The following HAPSTR1 variants were observed in gnomAD, a reference collection of about 807,000 sequenced individuals.
HAPSTR1 encodes the protein HUWE1 associated protein modifying stress responses.
At chr16:9,113,979 GTAT>G in the HAPSTR1 span, among the ~76,000 whole-genome samples, 6 of 152,166 alleles carry the variant, frequency 3.9e-5, no homozygotes, top group Non-Finnish European at 8.8e-5. Context: ...GGACTTTGAA[GTAT>G]TATTCTTTTT....
the HAPSTR1 span, among the ~76,000 whole-genome samples, chr16:9,100,852 C>T: frequency 6.6e-6 from 1 of 152,158 alleles, no homozygotes; most frequent in Non-Finnish European, 1.5e-5. Flanking sequence ...TTTGCACTCT[C>T]CAAGCCTGCT....
chr16:9,112,966 G>A, the HAPSTR1 span: 2 of 145,432 alleles, frequency 1.4e-5, no homozygotes, highest in Non-Finnish European at 3.0e-5. Context: ...GTATGTTTTT[G>A]TAGAAATTAA....
chr16:9,092,891 G>GGTTTTTTTTTTTTTTTT, the HAPSTR1 span: 3 of 1,499,734 alleles, frequency 2.0e-6, no homozygotes, highest in South Asian at 1.2e-5. Context: ...TTTTCTTTTT[G>GGTTTTTTTTTTTTTTTT]GTTTTTTTTT....
the HAPSTR1 span, among the ~76,000 whole-genome samples, chr16:9,095,793 A>T: frequency 6.2e-4 from 95 of 152,352 alleles, no homozygotes; most frequent in Middle Eastern, 3.4e-3. Context: ...ACAGAATTCA[A>T]TAAAATGGAG....
the HAPSTR1 span, chr16:9,120,127 G>A: frequency 6.6e-6 from 1 of 152,210 alleles, no homozygotes; most frequent in Non-Finnish European, 1.5e-5. Flanking sequence ...TCATTCATTA[G>A]ATTGGTGACT....
the HAPSTR1 span, chr16:9,103,432 G>A: frequency 4.0e-5 from 26 of 653,746 alleles, no homozygotes; most frequent in African/African-American, 4.4e-4. Flanking sequence ...GGCGATTTCT[G>A]TCAGCTAACC....
the HAPSTR1 span, chr16:9,092,092 G>A: frequency 9.5e-5 from 147 of 1,545,972 alleles, no homozygotes; most frequent in African/African-American, 1.6e-3. Context: ...AGGAGCACGG[G>A]CCCGAGCACT....
chr16:9,109,241 C>G, the HAPSTR1 span: 2 of 152,086 alleles, frequency 1.3e-5, no homozygotes, highest in East Asian at 3.8e-4. Context: ...CAACCCAGTG[C>G]TATCTCTGGA....
the HAPSTR1 span, chr16:9,105,986 C>G: frequency 5.3e-5 from 8 of 152,196 alleles, no homozygotes; most frequent in African/African-American, 1.9e-4. Flanking sequence ...AGGAAAATGG[C>G]AGACTTGACA....
the HAPSTR1 span, among the ~76,000 whole-genome samples, chr16:9,116,188 G>C: frequency 6.6e-6 from 1 of 152,278 alleles, no homozygotes; most frequent in Admixed American, 6.5e-5. Context: ...ACCTTATCTA[G>C]AGGGGATGTT....
At chr16:9,111,388 GA>G in the HAPSTR1 span, 2 of 152,180 alleles carry the variant, frequency 1.3e-5, no homozygotes, top group African/African-American at 4.8e-5. Context: ...ATCTTTAATT[GA>G]ATTTTCTGTG....
At chr16:9,112,153 T>C in the HAPSTR1 span, 1 of 152,302 alleles carries the variant, frequency 6.6e-6, no homozygotes, top group East Asian at 1.9e-4. Flanking sequence ...ATCTTCCTAG[T>C]AGAATTCCTT....
At chr16:9,091,652 T>G in the HAPSTR1 span, 253 of 398,224 alleles carry the variant, frequency 6.4e-4, 1 homozygote, top group African/African-American at 4.3e-3. Flanking sequence ...TTGCTCAGTC[T>G]TGGGGTGGGC....
At chr16:9,113,377 G>A in the HAPSTR1 span, among the ~76,000 whole-genome samples, 6 of 152,162 alleles carry the variant, frequency 3.9e-5, no homozygotes, top group Admixed American at 6.5e-5. Flanking sequence ...GAAGCTGTTA[G>A]AATTTTCAGA....
the HAPSTR1 span, chr16:9,116,875 C>T: frequency 1.9e-6 from 3 of 1,614,074 alleles, no homozygotes; most frequent in African/African-American, 2.7e-5. Context: ...GATGTCATTA[C>T]AGACTCACCA....
the HAPSTR1 span, among the ~76,000 whole-genome samples, chr16:9,094,569 T>C: frequency 6.6e-6 from 1 of 152,182 alleles, no homozygotes; most frequent in Non-Finnish European, 1.5e-5. Flanking sequence ...TGCTGTTTTT[T>C]CTCCTCCATC....
At chr16:9,096,270 T>G in the HAPSTR1 span, among the ~76,000 whole-genome samples, 1 of 152,222 alleles carries the variant, frequency 6.6e-6, no homozygotes, top group Admixed American at 6.5e-5. Context: ...GTTTTAAGTA[T>G]TTTTTGGATT....
the HAPSTR1 span, among the ~76,000 whole-genome samples, chr16:9,095,767 T>G: frequency 1.3e-5 from 2 of 152,150 alleles, no homozygotes; most frequent in African/African-American, 4.8e-5. Flanking sequence ...TAAATGTAAG[T>G]TGAACTTCAG....
chr16:9,109,057 G>A, the HAPSTR1 span: 3 of 152,158 alleles, frequency 2.0e-5, no homozygotes, highest in African/African-American at 7.2e-5. Flanking sequence ...TTAGTAGTAA[G>A]GGTCACATTT....
Sources: gnomAD v4.1 joint callset for allele counts (sites outside exome capture counted in the v4.1 genomes callset) on GRCh38, gnomAD v4.1.1 for gene constraint, MANE v1.5 for transcripts, NCBI Gene and HGNC (gene_info 2026-07-23, HGNC 2026-07-21) for gene names.